SEMA6A: variants seen among roughly 807,000 people sequenced by gnomAD.
The protein encoded by SEMA6A is semaphorin 6A.
Under a neutral mutation model 96.8 loss-of-function variants are expected in SEMA6A, and 25 were observed. The ratio of observed to expected loss-of-function variants is 0.26; its 90% CI spans 0.19 to 0.36. The LOEUF (loss-of-function observed/expected upper bound fraction) is 0.36. Ranked by LOEUF, SEMA6A falls within the 10% of genes least tolerant of loss-of-function variation. The pLI is 1.00. For missense variants in SEMA6A, 1,363 were observed against 1,323.1 expected (o/e 1.03, Z -0.47); for synonymous variants, 612 against 518.0 (o/e 1.18, Z -2.46).
intron 1 of SEMA6A, among the ~76,000 whole-genome samples, chr5:116,521,971 T>G (rs1028932742): frequency 6.6e-6 from 1 of 152,202 alleles, no homozygotes; most frequent in African/African-American, 2.4e-5. Context: ...TATTAAATAT[T>G]TGTTGATTTT....
chr5:116,531,601 T>G (rs752692249), intron 1 of SEMA6A, among the ~76,000 whole-genome samples: 38 of 152,326 alleles, frequency 2.5e-4, no homozygotes, highest in South Asian at 2.1e-4. Flanking sequence ...AAAGAATACT[T>G]GGGGGAAGGG....
chr5:116,483,916 T>G (rs146305266), intron 10 of SEMA6A, among the ~76,000 whole-genome samples: 6,182 of 151,928 alleles, frequency 0.041, 157 homozygotes, highest in East Asian at 0.098. Flanking sequence ...ATACAAAAAT[T>G]AGCCAGGCAT....
chr5:116,522,246 C>T (rs1313977284), intron 1 of SEMA6A, among the ~76,000 whole-genome samples: 1 of 142,946 alleles, frequency 7.0e-6, no homozygotes, highest in African/African-American at 3.0e-5. Context: ...TTTTCTTGTG[C>T]ATGTGTTTTT....
chr5:116,563,740 G>C (rs184566302), intron 1 of SEMA6A, among the ~76,000 whole-genome samples: 1 of 152,290 alleles, frequency 6.6e-6, no homozygotes, highest in East Asian at 1.9e-4. Flanking sequence ...AAAAAGCTTT[G>C]ATCTTACTCC....
intron 1 of SEMA6A, among the ~76,000 whole-genome samples, chr5:116,542,955 A>G (rs1453412142): frequency 1.3e-5 from 2 of 152,168 alleles, no homozygotes; most frequent in Admixed American, 6.6e-5. Context: ...AGACAGCATC[A>G]TTATTTTCCA....
intron 18 of SEMA6A, chr5:116,449,303 G>C (rs941819379): frequency 2.8e-6 from 2 of 701,864 alleles, no homozygotes; most frequent in African/African-American, 3.5e-5. Context: ...ATGATAGCAA[G>C]ACAGAAAAGG....
chr5:116,499,032 G>A (rs1237502047), intron 3 of SEMA6A: 1 of 152,204 alleles, frequency 6.6e-6, no homozygotes, highest in Non-Finnish European at 1.5e-5. Context: ...ATTGAAAGGG[G>A]TTCTTGCCAC....
At chr5:116,533,771 C>A (rs1422821113) in intron 1 of SEMA6A, among the ~76,000 whole-genome samples, 1 of 152,150 alleles carries the variant, frequency 6.6e-6, no homozygotes, top group African/African-American at 2.4e-5. Context: ...TATCAGGGGA[C>A]AAACAAAGGT....
At chr5:116,466,333 C>T (rs1179907623) in intron 18 of SEMA6A, among the ~76,000 whole-genome samples, 2 of 149,128 alleles carry the variant, frequency 1.3e-5, no homozygotes, top group African/African-American at 5.0e-5. Flanking sequence ...GAGCTGAGAT[C>T]GCACCACTGC....
intron 1 of SEMA6A, among the ~76,000 whole-genome samples, chr5:116,512,164 G>A (rs1285574491): frequency 6.6e-6 from 1 of 152,186 alleles, no homozygotes; most frequent in Non-Finnish European, 1.5e-5. Context: ...TCCACAAGAT[G>A]CAGAGCTGGG....
At chr5:116,548,751 T>C (rs918480135) in intron 1 of SEMA6A, among the ~76,000 whole-genome samples, 16 of 152,226 alleles carry the variant, frequency 1.1e-4, no homozygotes, top group Non-Finnish European at 1.8e-4. Flanking sequence ...TCAATTCACC[T>C]TAAAACAGTA....
At chr5:116,546,793 A>G (rs1346644542) in intron 1 of SEMA6A, among the ~76,000 whole-genome samples, 1 of 152,208 alleles carries the variant, frequency 6.6e-6, no homozygotes, top group Non-Finnish European at 1.5e-5. Flanking sequence ...CAGGGCTTCC[A>G]AAACTCAGAG....
chr5:116,491,619 T>C, intron 7 of SEMA6A, 121 bp downstream of exon 7: 1 of 726,820 alleles, frequency 1.4e-6, no homozygotes, highest in Non-Finnish European at 2.4e-6. Flanking sequence ...CATTCTTAAT[T>C]ACAGTATTCA....
chr5:116,547,267 C>G (rs1760224568), intron 1 of SEMA6A, among the ~76,000 whole-genome samples: 1 of 152,224 alleles, frequency 6.6e-6, no homozygotes, highest in Non-Finnish European at 1.5e-5. Context: ...TGAAATATCT[C>G]ATATTCAATT....
chr5:116,488,219 A>C (rs1197296334), intron 8 of SEMA6A, 23 bp from the exon 9 acceptor site: 1 of 1,467,312 alleles, frequency 6.8e-7, no homozygotes, highest in Admixed American at 1.7e-5. Flanking sequence ...AGGCACTTTA[A>C]TTGGGAACAT....
Position 116,542,138 on chromosome 5 carries a change from AT to A in SEMA6A, c.-39+32046del, listed in dbSNP as rs528893199. ...TTTGAGATACAGAAATTGGTGTAGA[AT>A]TTTTTTTAAGACTTTGCATAGGGAA... is the stretch of plus-strand genomic sequence containing the variant. On this transcript the variant is annotated intron_variant, in intron 1 of 18. Coordinates refer to ENST00000343348, the MANE Select transcript of SEMA6A (RefSeq NM_020796.5). Among the ~76,000 whole-genome samples the A allele has an allele frequency of 6.1e-3, 925 of 152,008 alleles. 15 individuals carry two copies. The highest frequency in any genetic ancestry group is 0.021 in the African/African-American group (882 of 41,454).
At chr5:116,449,210 T>C (rs1754473678) in intron 18 of SEMA6A, 3 of 642,448 alleles carry the variant, frequency 4.7e-6, no homozygotes, top group Non-Finnish European at 8.4e-6. Context: ...CCTCAATTCC[T>C]GCCTCTGGAG....
At chr5:116,532,861 G>T (rs1428557685) in intron 1 of SEMA6A, among the ~76,000 whole-genome samples, 3 of 152,194 alleles carry the variant, frequency 2.0e-5, no homozygotes, top group Non-Finnish European at 4.4e-5. Context: ...GAAAGTGCCA[G>T]CTCTTAGCAT....
chr5:116,458,159 T>A (rs567414223), intron 18 of SEMA6A, among the ~76,000 whole-genome samples: 1 of 152,292 alleles, frequency 6.6e-6, no homozygotes, highest in South Asian at 2.1e-4. Context: ...AAGCGGATAT[T>A]ATTTTCCCAC....
Sources: allele counts gnomAD v4.1 joint callset (sites outside exome capture counted in the v4.1 genomes callset), GRCh38; gene constraint gnomAD v4.1.1; transcripts MANE v1.5; gene names NCBI Gene and HGNC (gene_info 2026-07-23, HGNC 2026-07-21).